Variants in PLPP5 observed in about 807,000 individuals in gnomAD.
PLPP5 encodes the protein phospholipid phosphatase 5.
In PLPP5, 29 loss-of-function variants were observed where a neutral mutation model predicts 23.6. The ratio of observed to expected loss-of-function variants is 1.23; its 90% CI spans 0.92 to 1.68. The LOEUF (loss-of-function observed/expected upper bound fraction) is 1.68, where lower values mean the gene tolerates loss of function less well. PLPP5 is among the 40% of genes most tolerant of loss of function. The pLI, the probability that PLPP5 is intolerant of heterozygous loss-of-function variation, is 0.00. For missense variants in PLPP5, 315 were observed against 332.1 expected (o/e 0.95, Z 0.40); for synonymous variants, 143 against 131.3 (o/e 1.09, Z -0.61).
In PLPP5 at chr8:38,263,940, A is replaced by G. The variant is rs1296322262; in HGVS notation, c.*504T>C. On this transcript the variant is annotated 3_prime_UTR_variant, in exon 7 of 7. Coordinates refer to ENST00000424479, the MANE Select transcript of PLPP5 (RefSeq NM_001102559.2). Reference sequence around the variant, plus strand: ...GACACCTTTGAAAGATCCTTTTACTAGAACATGTGGCATACAGTAGTGGAA... The same window carrying G: ...GACACCTTTGAAAGATCCTTTTACTGGAACATGTGGCATACAGTAGTGGAA... The G allele has an allele frequency of 4.1e-6, 4 of 985,268 alleles. No homozygotes were observed. Among genetic ancestry groups the G allele is most frequent in the Admixed American group, 6.1e-5 (1 of 16,266 alleles). The allele number at this position is 985,268 out of a possible 1,614,324, so 61.0% of individuals were successfully genotyped here.
rs757796766 is a variant in PLPP5, at chr8:38,267,957, G to C, written c.278C>G (p.Ala93Gly). The C allele has an allele frequency of 6.2e-7, 1 of 1,614,028 alleles. No individual in the cohort carries two copies. Among genetic ancestry groups the C allele is most frequent in the South Asian group, 1.1e-5 (1 of 91,078 alleles). The part of the protein sequence containing the change: ...TRDSRQACLA[A>G]SLALALNGVF... Reference sequence around the variant, plus strand: ...GCCATTCAGAGCCAGGGCAAGGCTGGCAGCTGCAAAGCAAAGCCATTAGTT... The same window carrying C: ...GCCATTCAGAGCCAGGGCAAGGCTGCCAGCTGCAAAGCAAAGCCATTAGTT... The change falls in exon 4 of 7, where the codon GCC becomes GGC. Residue 93 changes from alanine (A) to glycine (G), a missense_variant. By Grantham distance (60) the Ala-to-Gly change is moderately conservative. Coordinates refer to ENST00000424479, the MANE Select transcript of PLPP5 (RefSeq NM_001102559.2).
At chr8:38,267,699 C>G (rs1807865006) in intron 4 of PLPP5, 198 bp downstream of exon 4, 2 of 652,472 alleles carry the variant, frequency 3.1e-6, no homozygotes, top group Non-Finnish European at 5.2e-6. Flanking sequence ...AAATGCTGTT[C>G]AGGCAGAAAA....
chr8:38,269,133 C>G lies in PLPP5; in HGVS notation c.67G>C (p.Ala23Pro), dbSNP rs1373764734. ...GCCGTGGATCTTTCTTACAGGAAGG[C>G]CGCGAACAGCGCGAGCCGCACGCCC... Reference protein sequence around the residue: ...EVGVRLALFAAFLVTELLPPF... With the variant: ...EVGVRLALFAPFLVTELLPPF... Residue 23 changes from alanine (A) to proline (P), a missense_variant, in exon 1 of 7, where the codon GCC becomes CCC. By Grantham distance (27) the Ala-to-Pro change is conservative. Coordinates refer to ENST00000424479, the MANE Select transcript of PLPP5 (RefSeq NM_001102559.2). 1.3e-6 allele frequency: 2 copies of G among 1,520,582 alleles called. No homozygotes were observed. The highest frequency in any genetic ancestry group is 2.8e-5 in the African/African-American group (2 of 70,324). The allele number at this position is 1,520,582 out of a possible 1,614,324, so 94.2% of individuals were successfully genotyped here.
At chr8:38,268,236 C>A in intron 3 of PLPP5, 135 bp downstream of exon 3, 1 of 1,070,246 alleles carries the variant, frequency 9.3e-7, no homozygotes, top group Non-Finnish European at 1.3e-6. Flanking sequence ...TGCTATTTTC[C>A]TCTCCCGCGG....
At chr8:38,269,078 C>T (rs760112456) in intron 1 of PLPP5, 48 bp downstream of exon 1, 1 of 1,528,072 alleles carries the variant, frequency 6.5e-7, no homozygotes, top group Admixed American at 2.0e-5. Flanking sequence ...TGCCGCCCGC[C>T]TGCCTGGGAA....
At chr8:38,268,542 A>G (rs1358976347) in intron 2 of PLPP5, 81 bp from the exon 3 acceptor site, 1 of 1,528,452 alleles carries the variant, frequency 6.5e-7, no homozygotes, top group Admixed American at 2.0e-5. Flanking sequence ...GATGTGACAC[A>G]GCAGGACTCA....
Position 38,264,000 on chromosome 8 carries a change from G to C in PLPP5, c.*444C>G. 1.0e-6 allele frequency: 1 copy of C among 986,028 alleles called. No individual in the cohort carries two copies. Among genetic ancestry groups the C allele is most frequent in the East Asian group, 1.1e-4 (1 of 8,846 alleles). 61.1% of individuals were successfully genotyped at this position (986,028 alleles called of 1,614,324 possible). A position where few individuals can be genotyped will look rare whatever the true frequency, so the allele number is the denominator to read the frequency against. ...AACTCCTCAAGATAGATGAGCAGGG[G>C]CAAAAGTGTGTAATCATTTGGAGGC... On this transcript the variant is annotated 3_prime_UTR_variant, in exon 7 of 7. Coordinates refer to ENST00000424479, the MANE Select transcript of PLPP5 (RefSeq NM_001102559.2).
In PLPP5 at chr8:38,267,924, G is replaced by A. The variant is rs910046694; in HGVS notation, c.311C>T (p.Thr104Ile). ...SLALALNGVF[T>I]NTIKLIVGRP... is the part of the protein sequence containing the mutation. ...CCCTACGATCAGTTTTATTGTGTTG[G>A]TAAAGACGCCATTCAGAGCCAGGGC... The change falls in exon 4 of 7, where the codon ACC becomes ATC. Residue 104 changes from threonine to isoleucine, a missense_variant. Physicochemically the swap from Thr to Ile is moderately conservative, Grantham distance 89. Transcript: ENST00000424479. 2 of 1,613,886 alleles carry A rather than the reference G, an allele frequency of 1.2e-6. No homozygotes were observed. Among genetic ancestry groups the A allele is most frequent in the African/African-American group, 1.3e-5 (1 of 74,920 alleles).
At chr8:38,264,870 T>C in intron 6 of PLPP5, 1 of 1,610,614 alleles carries the variant, frequency 6.2e-7, no homozygotes, top group Non-Finnish European at 8.5e-7. Context: ...GTGTACTAAA[T>C]TAGAATTTTT....
intron 2 of PLPP5, 173 bp downstream of exon 2, chr8:38,268,709 C>T: frequency 7.0e-7 from 1 of 1,432,890 alleles, no homozygotes; most frequent in Non-Finnish European, 9.1e-7. Context: ...CTCGGACACC[C>T]TCCTCTCTCA....
chr8:38,264,966 A>G lies in PLPP5; in HGVS notation c.635-362T>C, dbSNP rs764558852. 7 of 1,574,502 alleles carry G rather than the reference A, an allele frequency of 4.4e-6. No homozygotes were observed. The East Asian group carries it at 1.3e-4, about 30-fold the overall frequency. On this transcript the variant is annotated intron_variant, in intron 6 of 6. Transcript: ENST00000424479. ...TAAAGGGTCCTAGAGGAAGGAATAA[A>G]GTATTTTAAGAGTTGCTTCTCGCCG...
Position 38,263,629 on chromosome 8 carries a change from A to G in PLPP5, c.*815T>C. 1 of 985,440 alleles carries G rather than the reference A, an allele frequency of 1.0e-6. No individual in the cohort carries two copies. The highest frequency in any genetic ancestry group is 1.2e-6 in the Non-Finnish European group (1 of 829,924). The allele number at this position is 985,440 out of a possible 1,614,324, so 61.0% of individuals were successfully genotyped here. ...GATAAGATGCACACAAAAGTGATAA[A>G]TTACCCTAGATTCGACATTTTCCTA... On this transcript the variant is annotated 3_prime_UTR_variant, in exon 7 of 7. Coordinates refer to ENST00000424479, the MANE Select transcript of PLPP5 (RefSeq NM_001102559.2).
At chr8:38,267,493 T>C in intron 4 of PLPP5, 102 bp from the exon 5 acceptor site, 1 of 1,394,040 alleles carries the variant, frequency 7.2e-7, no homozygotes, top group Non-Finnish European at 9.7e-7. Flanking sequence ...GGTCAAATAG[T>C]GCCCCAGGCA....
chr8:38,266,148 G>A lies in PLPP5; in HGVS notation c.627C>T (p.His209=), dbSNP rs768443428. 1.7e-4 allele frequency: 274 copies of A among 1,613,782 alleles called. 1 individual carries two copies. Among genetic ancestry groups the A allele is most frequent in the Non-Finnish European group, 2.1e-4 (252 of 1,179,878 alleles). The change falls in exon 6 of 7, where the codon CAC becomes CAT. Residue 209 remains histidine, a synonymous_variant. Transcript: ENST00000424479. The part of the protein sequence containing the change: ...ALSRTCDYKH[H]WQDVLVGSMI... ...CCTGAGTACTTTGCTTACCTTGCCAGTGATGCTTGTAGTCACATGTGCGGG... is the reference window on the plus strand; with the variant it reads ...CCTGAGTACTTTGCTTACCTTGCCAATGATGCTTGTAGTCACATGTGCGGG...
At chr8:38,267,549 C>G (rs774985903) in intron 4 of PLPP5, 158 bp from the exon 5 acceptor site, 7 of 838,744 alleles carry the variant, frequency 8.3e-6, no homozygotes, top group Non-Finnish European at 1.3e-5. Flanking sequence ...AAGAGAAAAG[C>G]CTTTCAAGGT....
rs1178218146 is a variant in PLPP5, at chr8:38,268,973, G to A, written c.92C>T (p.Pro31Leu). 1.3e-6 allele frequency: 2 copies of A among 1,570,266 alleles called. No individual in the cohort carries two copies. Among genetic ancestry groups the A allele is most frequent in the Non-Finnish European group, 1.7e-6 (2 of 1,163,852 alleles). The change falls in exon 2 of 7, where the codon CCC becomes CTC. Residue 31 changes from proline to leucine, a missense_variant. Physicochemically the swap from Pro to Leu is moderately conservative, Grantham distance 98 (BLOSUM62 -3). Transcript: ENST00000424479. ...FAAFLVTELL[P>L]PFQRLIQPEE... ...CGGCTGGATGAGTCTCTGGAACGGG[G>A]GGAGCAGCTCCGTCACCCTAGAGGG... is the stretch of plus-strand genomic sequence containing the variant.
chr8:38,267,713 C>G (rs1400756766), intron 4 of PLPP5, 184 bp downstream of exon 4: 5 of 678,352 alleles, frequency 7.4e-6, no homozygotes, highest in Non-Finnish European at 1.2e-5. Flanking sequence ...CAGAAAAGAG[C>G]CCAGGTGTCA....
Position 38,268,924 on chromosome 8 carries a change from G to A in PLPP5, c.141C>T (p.Asn47=). 6.4e-7 allele frequency: 1 copy of A among 1,563,418 alleles called. No homozygotes were observed. Among genetic ancestry groups the A allele is most frequent in the Non-Finnish European group, 8.6e-7 (1 of 1,159,960 alleles). ...IQPEEMWLYR[N]PYVEAEYFPT... is the part of the protein sequence containing the mutation. ...GGAAATACTCCGCCTCCACGTAGGG[G>A]TTCCGGTAGAGCCACATCTCCTCCG... The change falls in exon 2 of 7, where the codon AAC becomes AAT. Residue 47 remains asparagine (N), a synonymous_variant. Coordinates refer to ENST00000424479, the MANE Select transcript of PLPP5 (RefSeq NM_001102559.2).
At chr8:38,267,149 G>A in intron 5 of PLPP5, 118 bp downstream of exon 5, 3 of 1,578,360 alleles carry the variant, frequency 1.9e-6, no homozygotes, top group East Asian at 2.3e-5. Context: ...TAAAGAAGGG[G>A]GGATTTTCCA....
Sources: gnomAD v4.1 joint callset for allele counts on GRCh38, gnomAD v4.1.1 for gene constraint, MANE v1.5 for transcripts, NCBI Gene and HGNC (gene_info 2026-07-23, HGNC 2026-07-21) for gene names.